The following EFCAB11 variants were observed in gnomAD, a reference collection of about 807,000 sequenced individuals.
EFCAB11 encodes the protein EF-hand calcium binding domain 11.
Under a neutral mutation model 23.0 loss-of-function variants are expected in EFCAB11, and 14 were observed. That is an observed-to-expected ratio of 0.61 (90% CI 0.40 to 0.95). The LOEUF is 0.95. Ranked by LOEUF, EFCAB11 falls within the 40% of genes least tolerant of loss-of-function variation. The pLI, the probability that EFCAB11 is intolerant of heterozygous loss-of-function variation, is 0.00. For synonymous variants in EFCAB11, 65 were observed against 66.6 expected, an observed-to-expected ratio of 0.98 and a Z score of 0.11; for missense variants, 198 against 195.8, an observed-to-expected ratio of 1.01 and a Z score of -0.07.
At chr14:89,954,490 T>G (rs903410742) in intron 1 of EFCAB11, 96 bp downstream of exon 1, 3 of 1,555,540 alleles carry the variant, frequency 1.9e-6, no homozygotes, top group Non-Finnish European at 2.6e-6. Flanking sequence ...AGGTCTTATC[T>G]GCACACCCGG....
At chr14:89,827,967 C>T (rs780347031) in intron 5 of EFCAB11, among the ~76,000 whole-genome samples, 8 of 152,230 alleles carry the variant, frequency 5.3e-5, no homozygotes, top group African/African-American at 1.4e-4. Context: ...TTCATATAAA[C>T]GTTTTCATGA....
At chr14:89,801,041 GAAAAAAA>G (rs1197084827) in intron 5 of EFCAB11, among the ~76,000 whole-genome samples, 1 of 58,496 alleles carries the variant, frequency 1.7e-5, no homozygotes, top group Non-Finnish European at 4.3e-5. Flanking sequence ...CCTCAAAAAA[GAAAAAAA>G]AAAAAAAAAA....
At chr14:89,801,059 A>G (rs1286967) in intron 5 of EFCAB11, among the ~76,000 whole-genome samples, 30,608 of 138,690 alleles carry the variant, frequency 0.22, 5,145 homozygotes, top group African/African-American at 0.44. Flanking sequence ...AAAAAAAAAA[A>G]AGAAGTACTG....
Position 89,796,656 on chromosome 14 carries a change from C to CATAGTAAGT in EFCAB11, c.*578_*586dup. 6.6e-6 allele frequency: 1 copy of CATAGTAAGT among 152,258 alleles called. No individual in the cohort carries two copies. Among genetic ancestry groups the CATAGTAAGT allele is most frequent in the Non-Finnish European group, 1.5e-5 (1 of 68,054 alleles). The allele number at this position is 152,258 out of a possible 1,614,324, so 9.4% of individuals were successfully genotyped here. On this transcript the variant is annotated 3_prime_UTR_variant, in exon 6 of 6. Coordinates refer to ENST00000316738, the MANE Select transcript of EFCAB11 (RefSeq NM_145231.4). ...CCAAGGCCTGGCTGATTGCTTGGAA[C>CATAGTAAGT]ATAGTAAGTATTCTGTATGTGTAGG...
At chr14:89,939,630 G>A (rs530777733) in intron 3 of EFCAB11, among the ~76,000 whole-genome samples, 1 of 152,234 alleles carries the variant, frequency 6.6e-6, no homozygotes, top group Admixed American at 6.5e-5. Flanking sequence ...CCTCCTCTAG[G>A]GGGCAGTGCT....
intron 5 of EFCAB11, among the ~76,000 whole-genome samples, chr14:89,925,653 T>TC (rs1890168290): frequency 6.7e-6 from 1 of 150,350 alleles, no homozygotes; most frequent in African/African-American, 2.5e-5. Context: ...TCTTTCTTTT[T>TC]TTTTTTTTTT....
chr14:89,917,945 T>C (rs1035688164), intron 5 of EFCAB11, among the ~76,000 whole-genome samples: 86 of 152,126 alleles, frequency 5.7e-4, no homozygotes, highest in African/African-American at 2.1e-3. Flanking sequence ...TACAGTGCAA[T>C]GAAAGCTGGG....
intron 5 of EFCAB11, among the ~76,000 whole-genome samples, chr14:89,930,078 T>C (rs902975793): frequency 2.4e-4 from 36 of 152,232 alleles, no homozygotes; most frequent in African/African-American, 8.2e-4. Context: ...ACAAAGATGC[T>C]ACATTTTAAA....
chr14:89,911,237 A>G (rs1386856821), intron 5 of EFCAB11, among the ~76,000 whole-genome samples: 1 of 152,252 alleles, frequency 6.6e-6, no homozygotes, highest in Non-Finnish European at 1.5e-5. Flanking sequence ...GGCTAAATCA[A>G]ATAAATAGGC....
chr14:89,931,255 TGAA>T (rs1890378669), intron 5 of EFCAB11: 3 of 344,826 alleles, frequency 8.7e-6, no homozygotes, highest in Admixed American at 9.0e-5. Context: ...CGTAAGTATC[TGAA>T]GAAGTTCTTT....
chr14:89,953,036 G>C (rs150969208), intron 2 of EFCAB11, among the ~76,000 whole-genome samples: 2,177 of 152,260 alleles, frequency 0.014, 51 homozygotes, highest in African/African-American at 0.049. Flanking sequence ...TGGAGGCTCA[G>C]CTCAACTCTC....
chr14:89,940,768 A>G (rs1420045460), intron 3 of EFCAB11, among the ~76,000 whole-genome samples: 1 of 152,232 alleles, frequency 6.6e-6, no homozygotes, highest in Non-Finnish European at 1.5e-5. Flanking sequence ...CTGGTTTTTA[A>G]TCTTAGGCAT....
At chr14:89,908,602 G>GATAT (rs1227100581) in intron 5 of EFCAB11, among the ~76,000 whole-genome samples, 2 of 152,016 alleles carry the variant, frequency 1.3e-5, no homozygotes, top group Non-Finnish European at 2.9e-5. Flanking sequence ...ATCTCATTAT[G>GATAT]ATATGCAAAT....
intron 5 of EFCAB11, among the ~76,000 whole-genome samples, chr14:89,905,907 C>G (rs1317854286): frequency 1.3e-5 from 2 of 152,076 alleles, no homozygotes; most frequent in African/African-American, 4.8e-5. Context: ...AAGAATGAAA[C>G]AGAAAATCAT....
chr14:89,894,557 A>C (rs142532932), intron 5 of EFCAB11, among the ~76,000 whole-genome samples: 1,630 of 152,240 alleles, frequency 0.011, 13 homozygotes, highest in South Asian at 0.021. Context: ...CTGAGAAAGG[A>C]TCTAACCCCT....
intron 5 of EFCAB11, among the ~76,000 whole-genome samples, chr14:89,898,293 C>T (rs1889233018): frequency 1.3e-5 from 2 of 152,104 alleles, no homozygotes; most frequent in African/African-American, 4.8e-5. Flanking sequence ...TATGCATGAC[C>T]CTACAAGAAA....
intron 5 of EFCAB11, among the ~76,000 whole-genome samples, chr14:89,805,064 T>G (rs943029184): frequency 6.6e-6 from 1 of 152,144 alleles, no homozygotes; most frequent in Non-Finnish European, 1.5e-5. Context: ...GGATGAACTG[T>G]GAAGGGTAAG....
intron 5 of EFCAB11, among the ~76,000 whole-genome samples, chr14:89,817,464 T>A (rs563512420): frequency 1.3e-3 from 192 of 152,270 alleles, no homozygotes; most frequent in African/African-American, 4.0e-3. Flanking sequence ...TGGATAACAG[T>A]GAGCTATGAT....
At chr14:89,897,603 G>A (rs937488774) in intron 5 of EFCAB11, among the ~76,000 whole-genome samples, 8 of 152,268 alleles carry the variant, frequency 5.3e-5, no homozygotes, top group Non-Finnish European at 7.4e-5. Context: ...AGGAGTGTGC[G>A]GGTATATGTG....
Sources: gnomAD v4.1 joint callset for allele counts (sites outside exome capture counted in the v4.1 genomes callset) on GRCh38, gnomAD v4.1.1 for gene constraint, MANE v1.5 for transcripts, NCBI Gene and HGNC (gene_info 2026-07-23, HGNC 2026-07-21) for gene names.